Variants in ZNF100 observed in about 807,000 individuals in gnomAD.
ZNF100 encodes zinc finger protein 100.
ZNF100 carries 12 observed loss-of-function variants against 15.8 expected under a neutral mutation model. That is an observed-to-expected ratio of 0.76 (90% CI 0.49 to 1.23). The LOEUF (loss-of-function observed/expected upper bound fraction) is 1.23. Among genes scored for constraint, ZNF100 ranks in the 50% most tolerant of loss-of-function variants. The probability of loss-of-function intolerance (pLI) is 0.00; values close to 1 mark genes in which losing one functional copy is unlikely to be tolerated. For missense variants in ZNF100, 670 were observed against 635.6 expected, an observed-to-expected ratio of 1.05 and a Z score of -0.58; for synonymous variants, 226 against 214.8, an observed-to-expected ratio of 1.05 and a Z score of -0.45.
chr19:21,760,754 GTTTTTTTT>G (rs59317162), intron 2 of ZNF100, among the ~76,000 whole-genome samples: 1 of 102,094 alleles, frequency 9.8e-6, no homozygotes, highest in Non-Finnish European at 1.9e-5. Context: ...GAACTTTCTT[GTTTTTTTT>G]TTTTTTTTTT....
chr19:21,759,531 T>C (rs1411846157), intron 2 of ZNF100, among the ~76,000 whole-genome samples: 1 of 152,214 alleles, frequency 6.6e-6, no homozygotes, highest in East Asian at 1.9e-4. Flanking sequence ...CTGCAACCAC[T>C]GGGCTACATT....
At chr19:21,733,357 G>A (rs915744510) in intron 4 of ZNF100, among the ~76,000 whole-genome samples, 4 of 144,886 alleles carry the variant, frequency 2.8e-5, no homozygotes, top group Non-Finnish European at 6.1e-5. Flanking sequence ...AATTGAAGGT[G>A]TGATGAGATT....
chr19:21,727,403 G>A lies in ZNF100; in HGVS notation c.909C>T (p.His303=), dbSNP rs1195763996. The part of the protein sequence containing the change: ...ECGKAFNRSS[H]LTTHKRIHTG... ...TATGAATTCTTTTATGTGTAGTAAG[G>A]TGTGAAGACCGGTTAAAAGCTTTCC... The change falls in exon 5 of 5, where the codon CAC becomes CAT. Residue 303 remains histidine (H), a synonymous_variant. Coordinates refer to ENST00000358296, the MANE Select transcript of ZNF100 (RefSeq NM_173531.4). 2 of 1,612,744 alleles carry A rather than the reference G, an allele frequency of 1.2e-6. No individual in the cohort carries two copies. Among genetic ancestry groups the A allele is most frequent in the Non-Finnish European group, 1.7e-6 (2 of 1,179,708 alleles).
intron 4 of ZNF100, among the ~76,000 whole-genome samples, chr19:21,739,968 GCA>G (rs1015914169): frequency 1.5e-4 from 23 of 152,108 alleles, no homozygotes; most frequent in African/African-American, 5.3e-4. Flanking sequence ...AATCTCAATA[GCA>G]CAGTTATTAC....
intron 3 of ZNF100, 39 bp from the exon 4 acceptor site, chr19:21,744,154 C>T: frequency 6.5e-7 from 1 of 1,549,840 alleles, no homozygotes; most frequent in Non-Finnish European, 8.7e-7. Flanking sequence ...TTCTCATATT[C>T]TCCAATTACC....
chr19:21,759,620 T>TA (rs1484261535), intron 2 of ZNF100, among the ~76,000 whole-genome samples: 2 of 152,116 alleles, frequency 1.3e-5, no homozygotes, highest in African/African-American at 4.8e-5. Context: ...AGCTGGCTGA[T>TA]AAAACAGTTT....
chr19:21,763,830 G>A (rs1374686485), intron 2 of ZNF100, among the ~76,000 whole-genome samples: 1 of 152,086 alleles, frequency 6.6e-6, no homozygotes, highest in Admixed American at 6.5e-5. Flanking sequence ...ATGAAAGAAA[G>A]CCCTCGTCTG....
At chr19:21,740,110 G>A (rs202135551) in intron 4 of ZNF100, among the ~76,000 whole-genome samples, 43 of 146,566 alleles carry the variant, frequency 2.9e-4, no homozygotes, top group South Asian at 6.6e-4. Flanking sequence ...AAACAGTATG[G>A]TACTGATACA....
intron 2 of ZNF100, among the ~76,000 whole-genome samples, chr19:21,749,060 T>C (rs1354325213): frequency 6.6e-6 from 1 of 152,134 alleles, no homozygotes; most frequent in Non-Finnish European, 1.5e-5. Context: ...GTACCAACCA[T>C]ATGATGTTTA....
rs2035803991 is a variant in ZNF100 at position 21,726,972 on chromosome 19, T to C, written c.1340A>G (p.His447Arg). 1.2e-6 allele frequency: 2 copies of C among 1,612,986 alleles called. No individual in the cohort carries two copies. Among genetic ancestry groups the C allele is most frequent in the Non-Finnish European group, 8.5e-7 (1 of 1,179,618 alleles). Residue 447 changes from histidine to arginine, a missense_variant, in exon 5 of 5, where the codon CAT becomes CGT. Coordinates refer to ENST00000358296, the MANE Select transcript of ZNF100 (RefSeq NM_173531.4). ...TTTCTCTCCAGTATGAATCATCTTA[T>C]GGGTAGTAAGGTTTGAGGACTCATT... ...AFNESSNLTT[H>R]KMIHTGEKPY...
intron 4 of ZNF100, among the ~76,000 whole-genome samples, chr19:21,741,329 T>C (rs1359922452): frequency 2.0e-5 from 3 of 152,228 alleles, no homozygotes; most frequent in Admixed American, 1.3e-4. Context: ...GTAAGTCTTT[T>C]GCATAACAAT....
chr19:21,755,836 A>C (rs1376775487), intron 2 of ZNF100, among the ~76,000 whole-genome samples: 1 of 152,222 alleles, frequency 6.6e-6, no homozygotes, highest in Non-Finnish European at 1.5e-5. Context: ...ACAGGAACAG[A>C]AAACAAAACA....
chr19:21,756,437 C>T (rs1468629008), intron 2 of ZNF100, among the ~76,000 whole-genome samples: 1 of 151,992 alleles, frequency 6.6e-6, no homozygotes, highest in Non-Finnish European at 1.5e-5. Flanking sequence ...CTCTGTACAT[C>T]AACAACATCC....
rs2035703600 is a variant in ZNF100 at position 21,722,790 on chromosome 19, T to C, written c.*3893A>G. The C allele has an allele frequency of 6.7e-6, 1 of 148,616 alleles. No individual in the cohort carries two copies. Among genetic ancestry groups the C allele is most frequent in the African/African-American group, 2.5e-5 (1 of 40,708 alleles). 9.2% of individuals were successfully genotyped at this position (148,616 alleles called of 1,614,324 possible). On this transcript the variant is annotated 3_prime_UTR_variant, in exon 5 of 5. Coordinates refer to ENST00000358296, the MANE Select transcript of ZNF100 (RefSeq NM_173531.4). The stretch of plus-strand genomic sequence containing the variant: ...ATGTTATACTTTTATTATATAAGTA[T>C]ATATTTTAATAAAAGTATGTTACAT...
At position 21,727,973 on chromosome 19, in the gene ZNF100, A is replaced by T. The variant is rs1238009323; in HGVS notation, c.339T>A (p.Phe113Leu). ...VAKPPVICSH[F>L]PQDLWAEQDI... is the part of the protein sequence containing the mutation. ...CCTGCTCTGCCCAAAGGTCTTGGGG[A>T]AAATGAGAACATATAACTGAAAGAA... The change falls in exon 5 of 5, where the codon TTT becomes TTA. Residue 113 changes from phenylalanine (F) to leucine (L), a missense_variant. Coordinates refer to ENST00000358296, the MANE Select transcript of ZNF100 (RefSeq NM_173531.4). 2.6e-6 allele frequency: 4 copies of T among 1,525,736 alleles called. No homozygotes were observed. In the East Asian group the frequency reaches 6.8e-5, roughly 26 times the overall value. The allele number at this position is 1,525,736 out of a possible 1,614,324, so 94.5% of individuals were successfully genotyped here.
rs923161508 is a variant in ZNF100, at chr19:21,723,610, C to A, written c.*3073G>T. The stretch of plus-strand genomic sequence containing the variant: ...AAGATTCAGCATTGCAGCCTGGAAA[C>A]TATGTCCTCTCCACATGAAGAATCA... On this transcript the variant is annotated 3_prime_UTR_variant, in exon 5 of 5. Coordinates refer to ENST00000358296, the MANE Select transcript of ZNF100 (RefSeq NM_173531.4). 15 of 152,180 alleles carry A rather than the reference C, an allele frequency of 9.9e-5. No individual in the cohort carries two copies. Among genetic ancestry groups the A allele is most frequent in the African/African-American group, 3.4e-4 (14 of 41,438 alleles). 9.4% of individuals were successfully genotyped at this position (152,180 alleles called of 1,614,324 possible). A position where few individuals can be genotyped will look rare whatever the true frequency, so the allele number is the denominator to read the frequency against.
chr19:21,745,257 G>A (rs1216428842), intron 2 of ZNF100, among the ~76,000 whole-genome samples, 190 bp from the exon 3 acceptor site: 1 of 152,130 alleles, frequency 6.6e-6, no homozygotes, highest in Non-Finnish European at 1.5e-5. Context: ...AGAAGAGAAT[G>A]GCATAAGATC....
At chr19:21,732,059 T>C (rs1167469971) in intron 4 of ZNF100, among the ~76,000 whole-genome samples, 2 of 152,094 alleles carry the variant, frequency 1.3e-5, no homozygotes, top group South Asian at 2.1e-4. Context: ...GAGACCAGCC[T>C]GGCCAACACA....
chr19:21,766,821 G>A (rs370829944), intron 1 of ZNF100, among the ~76,000 whole-genome samples: 6 of 152,002 alleles, frequency 3.9e-5, no homozygotes, highest in African/African-American at 1.4e-4. Flanking sequence ...GTGAAACCCC[G>A]TCCCAACTAA....
Sources: allele counts gnomAD v4.1 joint callset (sites outside exome capture counted in the v4.1 genomes callset), GRCh38; gene constraint gnomAD v4.1.1; transcripts MANE v1.5; gene names NCBI Gene and HGNC (gene_info 2026-07-23, HGNC 2026-07-21).